The following APOO variants were observed in gnomAD, a reference collection of about 807,000 sequenced individuals.
APOO encodes the protein MICOS complex subunit MIC26.
In APOO, 11 loss-of-function variants were observed where a neutral mutation model predicts 23.1. The observed-to-expected ratio is 0.48, with a 90% CI of 0.30 to 0.79. APOO has a LOEUF of 0.79. APOO is among the 30% of genes least tolerant of loss of function. The pLI, the probability that APOO is intolerant of heterozygous loss-of-function variation, is 0.07. For synonymous variants in APOO, 59 were observed against 54.8 expected (o/e 1.08, Z -0.34); for missense variants, 160 against 142.7 (o/e 1.12, Z -0.62).
chrX:23,879,090 T>C (rs1401467055), intron 2 of APOO, 56 bp from the exon 3 acceptor site: 2 of 1,120,427 alleles, frequency 1.8e-6, no homozygotes, highest in African/African-American at 3.7e-5. Context: ...ACAGGATACA[T>C]TTATCAAATT....
chrX:23,857,806 C>T (rs751874215), intron 6 of APOO, among the ~76,000 whole-genome samples: 4 of 111,164 alleles, frequency 3.6e-5, no homozygotes, highest in Non-Finnish European at 7.5e-5. Flanking sequence ...TGAGGGACAC[C>T]ATCTCTAGAG....
chrX:23,885,271 C>T (rs1167072568), intron 1 of APOO, among the ~76,000 whole-genome samples: 13 of 108,770 alleles, frequency 1.2e-4, no homozygotes, highest in Admixed American at 1.0e-3. Context: ...TGGTGGCAGA[C>T]GCCTGTAATC....
intron 1 of APOO, among the ~76,000 whole-genome samples, chrX:23,881,392 T>A (rs1476318546): frequency 5.6e-5 from 6 of 106,514 alleles, no homozygotes; most frequent in Non-Finnish European, 7.7e-5. Context: ...TATATTTTTT[T>A]AAAAAATCAG....
chrX:23,902,877 CACAA>C (rs1211065003), intron 1 of APOO, among the ~76,000 whole-genome samples: 1 of 111,172 alleles, frequency 9.0e-6, no homozygotes, highest in African/African-American at 3.3e-5. Flanking sequence ...CCCCACTCTG[CACAA>C]ACATACAGGA....
At chrX:23,842,826 G>A (rs1284831008) in intron 7 of APOO, among the ~76,000 whole-genome samples, 2 of 111,581 alleles carry the variant, frequency 1.8e-5, no homozygotes, top group African/African-American at 6.5e-5. Flanking sequence ...CTGAACAACA[G>A]GGAGAAACCC....
intron 8 of APOO, among the ~76,000 whole-genome samples, chrX:23,835,062 G>T (rs1299919142): frequency 3.0e-5 from 3 of 101,578 alleles, no homozygotes; most frequent in African/African-American, 7.2e-5. Flanking sequence ...AGCAATTAGA[G>T]ATTTTTTTTT....
chrX:23,862,585 G>A (rs993133484), intron 5 of APOO, among the ~76,000 whole-genome samples: 4 of 105,379 alleles, frequency 3.8e-5, no homozygotes, highest in Non-Finnish European at 5.8e-5. Flanking sequence ...AGACCAGCCT[G>A]GGCAACATGG....
intron 5 of APOO, among the ~76,000 whole-genome samples, chrX:23,863,992 T>A (rs904395192): frequency 9.2e-6 from 1 of 108,519 alleles, no homozygotes; most frequent in African/African-American, 3.3e-5. Context: ...GTGTGTGTTA[T>A]TGATTTTTTT....
chrX:23,835,972 G>T (rs56885889), intron 8 of APOO, among the ~76,000 whole-genome samples: 1 of 112,263 alleles, frequency 8.9e-6, no homozygotes, highest in Non-Finnish European at 1.9e-5. Flanking sequence ...ATGAGGGAGC[G>T]GAAACTATTA....
At chrX:23,901,064 C>T (rs765683402) in intron 1 of APOO, among the ~76,000 whole-genome samples, 102 of 111,960 alleles carry the variant, frequency 9.1e-4, no homozygotes, top group Non-Finnish European at 1.6e-3. Flanking sequence ...TGTAATTCTC[C>T]GCGCAGTTCT....
intron 5 of APOO, among the ~76,000 whole-genome samples, chrX:23,863,930 C>T (rs1466539083): frequency 9.1e-6 from 1 of 110,316 alleles, no homozygotes; most frequent in Non-Finnish European, 1.9e-5. Flanking sequence ...CTTGACTCCA[C>T]TGAGAGGCAT....
chrX:23,893,081 G>A (rs1478999006), intron 1 of APOO, among the ~76,000 whole-genome samples: 1 of 110,016 alleles, frequency 9.1e-6, no homozygotes, highest in East Asian at 2.9e-4. Context: ...TCAAAATCAG[G>A]CTACACTGTT....
chrX:23,900,606 C>T (rs1304505514), intron 1 of APOO, among the ~76,000 whole-genome samples: 9 of 97,491 alleles, frequency 9.2e-5, no homozygotes, highest in Non-Finnish European at 2.0e-5. Context: ...ACCCAGGAGG[C>T]GGAGGGTGCG....
chrX:23,880,204 G>A (rs994054922), intron 2 of APOO, among the ~76,000 whole-genome samples: 4 of 110,556 alleles, frequency 3.6e-5, no homozygotes, highest in African/African-American at 9.9e-5. Flanking sequence ...ATCAAGATAA[G>A]CCAAGAATCA....
At chrX:23,900,315 G>A (rs755725450) in intron 1 of APOO, among the ~76,000 whole-genome samples, 29 of 111,404 alleles carry the variant, frequency 2.6e-4, no homozygotes, top group Non-Finnish European at 5.1e-4. Flanking sequence ...CAACAATCCT[G>A]TGAGATACAG....
At chrX:23,864,572 G>A (rs1429851504) in intron 5 of APOO, among the ~76,000 whole-genome samples, 20 of 111,858 alleles carry the variant, frequency 1.8e-4, no homozygotes. Flanking sequence ...GAAGTGCTGG[G>A]ATTACAGGTG....
chrX:23,850,606 C>A (rs1036362407), intron 7 of APOO, among the ~76,000 whole-genome samples: 1 of 111,746 alleles, frequency 8.9e-6, no homozygotes, highest in African/African-American at 3.3e-5. Flanking sequence ...GAGGGCGGAT[C>A]ACCTGAGGTC....
intron 8 of APOO, chrX:23,839,891 GT>G (rs1923888592): frequency 9.0e-6 from 1 of 111,375 alleles, no homozygotes; most frequent in African/African-American, 3.3e-5. Context: ...GAAATCACAA[GT>G]GCTATTATAC....
Position 23,874,335 on chromosome X carries a change from T to C in APOO, c.292+68A>G, listed in dbSNP as rs745837685. The C allele has an allele frequency of 8.4e-6, 8 of 947,279 alleles. No homozygotes were observed. The East Asian group carries it at 2.2e-4, about 26-fold the overall frequency. 78.1% of individuals were successfully genotyped at this position (947,279 alleles called of 1,213,427 possible). ...ACACAGATTTCTTGGAGCTCATTCA[T>C]GGAACTCCGATTAAAGAGTTCAATG... On this transcript the variant is annotated intron_variant, in intron 4 of 8. Coordinates refer to ENST00000379226, the MANE Select transcript of APOO (RefSeq NM_024122.5).
Sources: gnomAD v4.1 joint callset for allele counts (sites outside exome capture counted in the v4.1 genomes callset) on GRCh38, gnomAD v4.1.1 for gene constraint, MANE v1.5 for transcripts, NCBI Gene and HGNC (gene_info 2026-07-23, HGNC 2026-07-21) for gene names.